MED12L: variants seen among roughly 807,000 people sequenced by gnomAD.
The protein encoded by MED12L is mediator of RNA polymerase II transcription subunit 12-like protein.
Under a neutral mutation model 281.3 loss-of-function variants are expected in MED12L, and 60 were observed. The ratio of observed to expected loss-of-function variants is 0.21; its 90% confidence interval spans 0.17 to 0.26. The LOEUF (loss-of-function observed/expected upper bound fraction) is 0.26, where lower values mean the gene tolerates loss of function less well. Ranked by LOEUF, MED12L falls within the 10% of genes least tolerant of loss-of-function variation. MED12L has a pLI of 1.00. For missense variants in MED12L, 2,146 were observed against 2,680.9 expected, an observed-to-expected ratio of 0.80 and a Z score of 4.41; for synonymous variants, 974 against 987.2, an observed-to-expected ratio of 0.99 and a Z score of 0.25.
chr3:151,318,626 A>G (rs1205017330), intron 16 of MED12L, among the ~76,000 whole-genome samples: 1 of 152,214 alleles, frequency 6.6e-6, no homozygotes, highest in African/African-American at 2.4e-5. Context: ...TGCTGCAAGT[A>G]CTGAGGATTA....
At chr3:151,347,157 T>G (rs1752646356) in intron 16 of MED12L, among the ~76,000 whole-genome samples, 1 of 145,434 alleles carries the variant, frequency 6.9e-6, no homozygotes, top group Non-Finnish European at 1.5e-5. Context: ...ACAAACTTTT[T>G]TACTCTAGCT....
At chr3:151,408,871 C>T (rs1716639212) in intron 39 of MED12L, among the ~76,000 whole-genome samples, 1 of 152,218 alleles carries the variant, frequency 6.6e-6, no homozygotes, top group Admixed American at 6.5e-5. Flanking sequence ...ACCACACGTT[C>T]TCTTCCCTTT....
chr3:151,210,409 A>C (rs1200404464), intron 16 of MED12L, among the ~76,000 whole-genome samples: 1 of 152,210 alleles, frequency 6.6e-6, no homozygotes, highest in Non-Finnish European at 1.5e-5. Flanking sequence ...TGATGACAAC[A>C]TTTCGTAAAA....
intron 16 of MED12L, chr3:151,328,148 A>C: frequency 6.2e-7 from 1 of 1,613,018 alleles, no homozygotes; most frequent in Non-Finnish European, 8.5e-7. Flanking sequence ...TGCCAAAAAG[A>C]GAGTTGTTTC....
chr3:151,397,770 GTTAC>G (rs1715172586), intron 39 of MED12L, among the ~76,000 whole-genome samples: 1 of 152,092 alleles, frequency 6.6e-6, no homozygotes, highest in Admixed American at 6.5e-5. Flanking sequence ...TAATAATATA[GTTAC>G]TTTTTCATTT....
chr3:151,206,544 AT>A (rs1403822914), intron 16 of MED12L, among the ~76,000 whole-genome samples: 1 of 148,266 alleles, frequency 6.7e-6, no homozygotes, highest in East Asian at 2.0e-4. Flanking sequence ...ACTTTTAAAG[AT>A]TATCTCGTTT....
chr3:151,302,086 A>G (rs1237315381), intron 16 of MED12L, among the ~76,000 whole-genome samples: 2 of 152,210 alleles, frequency 1.3e-5, no homozygotes, highest in South Asian at 2.1e-4. Context: ...AAATACAGCT[A>G]TTGTATAGAT....
intron 8 of MED12L, among the ~76,000 whole-genome samples, chr3:151,162,322 G>A (rs916176855): frequency 1.3e-5 from 2 of 152,196 alleles, no homozygotes; most frequent in Admixed American, 6.5e-5. Context: ...GTAGGTTTCA[G>A]GGACTTGACA....
intron 27 of MED12L, 136 bp from the exon 28 acceptor site, chr3:151,375,890 C>CT: frequency 2.0e-6 from 1 of 501,748 alleles, no homozygotes; most frequent in Admixed American, 4.3e-5. Flanking sequence ...TTTCTACCTA[C>CT]TTTTTAATGT....
Position 151,127,975 on chromosome 3 carries a change from C to G in MED12L, c.547C>G (p.Pro183Ala), listed in dbSNP as rs1469725190. Reference protein sequence around the residue: ...AKIKKRQAPDPNLEWTQISTR... With the variant: ...AKIKKRQAPDANLEWTQISTR... The stretch of plus-strand genomic sequence containing the variant: ...AATTAAGAAACGTCAGGCTCCTGAT[C>G]CGAATTTGGGTAAGTGAGAGAATAC... Residue 183 changes from proline (P) to alanine (A), a missense_variant, in exon 5 of 45, where the codon CCG (proline) becomes GCG (alanine). This residue lies in a region of MED12L where 722 missense variants were observed against 861.2 expected (regional missense o/e 0.84). Coordinates refer to ENST00000687756, the MANE Select transcript of MED12L (RefSeq NM_001393769.1). 1 of 1,611,102 alleles carries G rather than the reference C, an allele frequency of 6.2e-7. No homozygotes were observed. The highest frequency in any genetic ancestry group is 8.5e-7 in the Non-Finnish European group (1 of 1,179,064).
At chr3:151,133,726 G>A (rs565507501) in intron 5 of MED12L, among the ~76,000 whole-genome samples, 4 of 152,212 alleles carry the variant, frequency 2.6e-5, no homozygotes, top group Admixed American at 2.6e-4. Flanking sequence ...TTTTAGAGTT[G>A]AATTAAGTTT....
chr3:151,411,565 A>G (rs1560137661), intron 41 of MED12L, 58 bp downstream of exon 41: 7 of 1,459,314 alleles, frequency 4.8e-6, no homozygotes, highest in Non-Finnish European at 5.8e-6. Flanking sequence ...CGGGTTTCTT[A>G]TGCTTCTTAT....
At chr3:151,119,638 A>T (rs571233084) in intron 3 of MED12L, among the ~76,000 whole-genome samples, 47 of 152,294 alleles carry the variant, frequency 3.1e-4, no homozygotes, top group African/African-American at 1.1e-3. Context: ...CATAACAGAG[A>T]GTATGAATGC....
At chr3:151,204,556 G>A (rs1726096285) in intron 16 of MED12L, among the ~76,000 whole-genome samples, 1 of 152,188 alleles carries the variant, frequency 6.6e-6, no homozygotes, top group Non-Finnish European at 1.5e-5. Flanking sequence ...CATAGTGCTA[G>A]GAAAGGATCT....
intron 16 of MED12L, among the ~76,000 whole-genome samples, chr3:151,310,311 A>G (rs1747331040): frequency 6.6e-6 from 1 of 152,226 alleles, no homozygotes; most frequent in Admixed American, 6.5e-5. Context: ...AAGAAACAGC[A>G]GTAAGATGAA....
rs1284583833 is a variant in MED12L at position 151,165,893 on chromosome 3, C to T, written c.1405C>T (p.His469Tyr). 5 of 1,614,088 alleles carry T rather than the reference C, an allele frequency of 3.1e-6. No individual in the cohort carries two copies. Among genetic ancestry groups the T allele is most frequent in the Non-Finnish European group, 4.2e-6 (5 of 1,179,978 alleles). ...VLHTLEVLDR[H>Y]CFDRTDSSNS... ...GCACACGTTGGAAGTTTTGGATCGT[C>T]ACTGTTTTGACCGAACTGATTCCAG... Residue 469 changes from histidine to tyrosine, a missense_variant, in exon 11 of 45, where the codon CAC becomes TAC. Around this residue, in one of 9 missense-constraint regions of MED12L, gnomAD observed 722 missense variants for 861.2 expected, o/e 0.84. Transcript: ENST00000687756.
At chr3:151,353,893 G>A (rs6801155) in intron 17 of MED12L, among the ~76,000 whole-genome samples, 43,020 of 151,768 alleles carry the variant, frequency 0.28, 6,253 homozygotes, top group Non-Finnish European at 0.31. Flanking sequence ...TGTAATCCCA[G>A]CACTTTGGGA....
At chr3:151,202,156 C>G (rs978262322) in intron 16 of MED12L, among the ~76,000 whole-genome samples, 3 of 152,152 alleles carry the variant, frequency 2.0e-5, no homozygotes, top group Admixed American at 1.3e-4. Flanking sequence ...AGAAACAAAT[C>G]TGTTTATTTA....
chr3:151,361,884 G>T (rs541968317), intron 21 of MED12L, among the ~76,000 whole-genome samples: 1 of 152,206 alleles, frequency 6.6e-6, no homozygotes, highest in African/African-American at 2.4e-5. Context: ...TACCCCCACA[G>T]GCAGCACTAG....
Sources: gnomAD v4.1 joint callset for allele counts (sites outside exome capture counted in the v4.1 genomes callset) on GRCh38, gnomAD v4.1.1 for gene constraint, gnomAD v4.1.1 regional missense constraint, MANE v1.5 for transcripts, NCBI Gene and HGNC (gene_info 2026-07-23, HGNC 2026-07-21) for gene names.